Variants in GALNT17 observed in about 807,000 individuals in gnomAD.
GALNT17 encodes the protein polypeptide N-acetylgalactosaminyltransferase 17.
Under a neutral mutation model 63.7 loss-of-function variants are expected in GALNT17, and 29 were observed. That is an observed-to-expected ratio of 0.46 (90% confidence interval 0.34 to 0.62). The LOEUF (loss-of-function observed/expected upper bound fraction) is 0.62. GALNT17 is among the 20% of genes least tolerant of loss of function. The probability of loss-of-function intolerance (pLI) is 0.01; values close to 1 mark genes in which losing one functional copy is unlikely to be tolerated. For missense variants in GALNT17, 603 were observed against 799.6 expected (o/e 0.75, Z 2.97); for synonymous variants, 305 against 318.3 (o/e 0.96, Z 0.45).
At chr7:71,675,471 C>T (rs560962356) in intron 8 of GALNT17, among the ~76,000 whole-genome samples, 2 of 152,116 alleles carry the variant, frequency 1.3e-5, no homozygotes, top group Admixed American at 1.3e-4. Flanking sequence ...ATGTAAAGAG[C>T]TCTTGGCCAG....
At chr7:71,270,339 T>G (rs1437322532) in intron 1 of GALNT17, among the ~76,000 whole-genome samples, 1 of 151,796 alleles carries the variant, frequency 6.6e-6, no homozygotes. Flanking sequence ...CTGGCCAACA[T>G]GATGAAACCC....
chr7:71,334,275 C>T (rs945244729), intron 1 of GALNT17, among the ~76,000 whole-genome samples: 5 of 152,132 alleles, frequency 3.3e-5, no homozygotes, highest in South Asian at 2.1e-4. Context: ...GTCTCACTAC[C>T]GGAGCAGGTT....
intron 6 of GALNT17, among the ~76,000 whole-genome samples, chr7:71,574,029 A>G (rs1789495294): frequency 6.6e-6 from 1 of 152,270 alleles, no homozygotes; most frequent in African/African-American, 2.4e-5. Flanking sequence ...CATTGCGTAC[A>G]TGTACAACAC....
intron 1 of GALNT17, among the ~76,000 whole-genome samples, chr7:71,210,141 T>C (rs188332062): frequency 5.8e-4 from 88 of 152,258 alleles, no homozygotes; most frequent in Non-Finnish European, 1.0e-3. Context: ...CAGGCTGGTC[T>C]TGAACTCCTG....
chr7:71,158,112 TA>T (rs1788270715), intron 1 of GALNT17, among the ~76,000 whole-genome samples: 1 of 150,130 alleles, frequency 6.7e-6, no homozygotes, highest in Non-Finnish European at 1.5e-5. Flanking sequence ...CTCTTTGATA[TA>T]TTGATTCCCC....
At chr7:71,468,119 C>T (rs1031212453) in intron 5 of GALNT17, among the ~76,000 whole-genome samples, 2 of 152,128 alleles carry the variant, frequency 1.3e-5, no homozygotes, top group African/African-American at 4.8e-5. Flanking sequence ...CCTCAAACTC[C>T]TGGGCTCAAG....
intron 3 of GALNT17, among the ~76,000 whole-genome samples, chr7:71,393,269 C>A (rs1363026208): frequency 6.6e-6 from 1 of 152,004 alleles, no homozygotes; most frequent in Non-Finnish European, 1.5e-5. Flanking sequence ...TATTGTTGTT[C>A]CTGCTTGCTA....
chr7:71,585,588 A>G (rs1175973056), intron 6 of GALNT17, among the ~76,000 whole-genome samples: 2 of 152,148 alleles, frequency 1.3e-5, no homozygotes, highest in Non-Finnish European at 2.9e-5. Flanking sequence ...AAGATGACCA[A>G]TGAGGTTTTC....
chr7:71,485,352 G>A (rs1056244769), intron 5 of GALNT17, among the ~76,000 whole-genome samples: 24 of 149,560 alleles, frequency 1.6e-4, no homozygotes, highest in Admixed American at 1.5e-3. Context: ...CCGCCTTGGC[G>A]TCCCAAAGTG....
chr7:71,391,191 C>G (rs923811809), intron 3 of GALNT17, among the ~76,000 whole-genome samples: 1 of 152,116 alleles, frequency 6.6e-6, no homozygotes, highest in African/African-American at 2.4e-5. Flanking sequence ...GGCAAAAAGA[C>G]TGGAGGTGGC....
intron 1 of GALNT17, among the ~76,000 whole-genome samples, chr7:71,218,108 G>A (rs1789519149): frequency 6.6e-6 from 1 of 151,816 alleles, no homozygotes; most frequent in African/African-American, 2.4e-5. Flanking sequence ...TTTTAAAAAT[G>A]GTAGGCCGGG....
chr7:71,503,949 C>T (rs541491021), intron 5 of GALNT17, among the ~76,000 whole-genome samples: 3 of 152,084 alleles, frequency 2.0e-5, no homozygotes, highest in Admixed American at 6.6e-5. Flanking sequence ...CAAAAAATGG[C>T]CAGGCGCGGT....
chr7:71,708,327 G>A (rs1791748352), intron 9 of GALNT17, among the ~76,000 whole-genome samples: 1 of 152,088 alleles, frequency 6.6e-6, no homozygotes, highest in Non-Finnish European at 1.5e-5. Context: ...ATGCCTTATG[G>A]GGTGGCAGGG....
intron 1 of GALNT17, among the ~76,000 whole-genome samples, chr7:71,222,910 A>C (rs1432889656): frequency 6.6e-6 from 1 of 152,094 alleles, no homozygotes; most frequent in Non-Finnish European, 1.5e-5. Context: ...TCCTCTACAA[A>C]AAACCCCCCA....
intron 4 of GALNT17, among the ~76,000 whole-genome samples, 191 bp from the exon 5 acceptor site, chr7:71,420,717 G>A (rs1037419315): frequency 4.6e-5 from 7 of 152,270 alleles, no homozygotes; most frequent in East Asian, 3.9e-4. Context: ...GATTTCACAC[G>A]CTTCACAGCC....
chr7:71,517,663 T>C (rs1788466340), intron 5 of GALNT17, among the ~76,000 whole-genome samples: 1 of 152,016 alleles, frequency 6.6e-6, no homozygotes, highest in African/African-American at 2.4e-5. Context: ...GATAATGGAG[T>C]TCAAGCATTT....
At chr7:71,253,110 A>G (rs1790229258) in intron 1 of GALNT17, among the ~76,000 whole-genome samples, 1 of 152,226 alleles carries the variant, frequency 6.6e-6, no homozygotes, top group South Asian at 2.1e-4. Flanking sequence ...ACCACTGATC[A>G]AAGCCTCAAA....
rs899340754 is a variant in GALNT17, at chr7:71,651,343, G to A, written c.1081-14068G>A. ...TTTTGAGATGGAGTCTTCCTCTGTC[G>A]CCAGGCTAGAGTACAGTGGTGCGAT... On this transcript the variant is annotated intron_variant, in intron 6 of 10. Coordinates refer to ENST00000333538, the MANE Select transcript of GALNT17 (RefSeq NM_022479.3). Among the ~76,000 whole-genome samples the A allele has an allele frequency of 2.7e-5, 4 of 146,484 alleles. No homozygotes were observed. The South Asian group carries it at 6.4e-4, about 24-fold the overall frequency.
intron 1 of GALNT17, among the ~76,000 whole-genome samples, chr7:71,259,646 G>GTTT (rs1261238713): frequency 2.2e-5 from 3 of 136,476 alleles, no homozygotes; most frequent in South Asian, 4.7e-4. Flanking sequence ...TTGTTTTTTT[G>GTTT]TTTTTTTTTT....
Sources: gnomAD v4.1 joint callset for allele counts (sites outside exome capture counted in the v4.1 genomes callset) on GRCh38, gnomAD v4.1.1 for gene constraint, MANE v1.5 for transcripts, NCBI Gene and HGNC (gene_info 2026-07-23, HGNC 2026-07-21) for gene names.